EPN2: variants seen among roughly 807,000 people sequenced by gnomAD.
The protein encoded by EPN2 is epsin 2, also known as epsin-2.
Under a neutral mutation model 61.7 loss-of-function variants are expected in EPN2, and 34 were observed. The ratio of observed to expected loss-of-function variants is 0.55; its 90% CI spans 0.42 to 0.73. The LOEUF is 0.73. EPN2 is among the 30% of genes least tolerant of loss of function. EPN2 has a pLI of 0.00. For synonymous variants in EPN2, 349 were observed against 353.6 expected (o/e 0.99, Z 0.15); for missense variants, 714 against 839.2 (o/e 0.85, Z 1.84).
Position 19,281,781 on chromosome 17 carries a change from C to T in EPN2, c.-293-174C>T, listed in dbSNP as rs551869310. Among the ~76,000 whole-genome samples, 810 of 152,190 alleles carry T rather than the reference C, an allele frequency of 5.3e-3. 5 individuals carry two copies. Among genetic ancestry groups the T allele is most frequent in the Non-Finnish European group, 5.3e-3 (363 of 68,014 alleles). On this transcript the variant is annotated intron_variant, in intron 1 of 10. Transcript: ENST00000314728. Reference sequence around the variant, plus strand: ...GTGGTCAGAATGGTGGGTGGAGCCCCTTGCTTCCTATCCGGGCCCTAGCTG... The same window carrying T: ...GTGGTCAGAATGGTGGGTGGAGCCCTTTGCTTCCTATCCGGGCCCTAGCTG...
In EPN2 at chr17:19,283,215, G is replaced by T; in HGVS notation, c.96G>T (p.Pro32=). ...TCCGGGAAGCCACCTCCAATGACCC[G>T]TGGGGCCCGTCCAGTTCTCTGATGA... The part of the protein sequence containing the change: ...IKVREATSND[P]WGPSSSLMTE... The change falls in exon 3 of 11, where the codon CCG becomes CCT. Residue 32 remains proline, a synonymous_variant. Coordinates refer to ENST00000314728, the MANE Select transcript of EPN2 (RefSeq NM_014964.5). The surrounding 1 kb of genome is among the most constrained non-coding windows in gnomAD (Gnocchi z 7.0). 2 of 1,614,178 alleles carry T rather than the reference G, an allele frequency of 1.2e-6. No homozygotes were observed. Among genetic ancestry groups the T allele is most frequent in the Non-Finnish European group, 1.7e-6 (2 of 1,180,040 alleles).
chr17:19,289,724 G>GTTTTGTTTTTTTTTTTTTTTTTTT lies in EPN2; in HGVS notation c.766+3938_766+3939insGTTTTTTTTTTTTTTTTTTTTTTT, dbSNP rs772230550. Among the ~76,000 whole-genome samples, 47 of 78,046 alleles carry GTTTTGTTTTTTTTTTTTTTTTTTT rather than the reference G, an allele frequency of 6.0e-4. 3 individuals are homozygous for GTTTTGTTTTTTTTTTTTTTTTTTT. Among genetic ancestry groups the GTTTTGTTTTTTTTTTTTTTTTTTT allele is most frequent in the East Asian group, 2.9e-3 (5 of 1,732 alleles). 51.2% of individuals were successfully genotyped at this position (78,046 alleles called of 152,430 possible). ...TGTTCGGCCTCACCTGGCGCTCATGGTTTTTTTTTTTTTTTTTTTTGAGAT... is the reference window on the plus strand; with the variant it reads ...TGTTCGGCCTCACCTGGCGCTCATGGTTTTGTTTTTTTTTTTTTTTTTTTTTTTTTTTTTTTTTTTTTTTGAGAT... On this transcript the variant is annotated intron_variant, in intron 4 of 10. Coordinates refer to ENST00000314728, the MANE Select transcript of EPN2 (RefSeq NM_014964.5).
chr17:19,276,773 G>GT (rs80078595), intron 1 of EPN2, among the ~76,000 whole-genome samples: 40,009 of 119,204 alleles, frequency 0.34, 6,927 homozygotes, highest in East Asian at 0.6. Context: ...ATGAGAATAA[G>GT]TTTTTTTTTT....
intron 5 of EPN2, 40 bp downstream of exon 5, chr17:19,310,037 A>G (rs1906044741): frequency 1.4e-6 from 2 of 1,419,228 alleles, no homozygotes; most frequent in African/African-American, 1.4e-5. Context: ...TTGACTGCCC[A>G]TGCTCAGGGT....
chr17:19,308,604 A>AG, intron 4 of EPN2: 1 of 985,368 alleles, frequency 1.0e-6, no homozygotes, highest in Non-Finnish European at 1.2e-6. Context: ...TGACTACAAA[A>AG]GAGGAGGTGG....
intron 7 of EPN2, among the ~76,000 whole-genome samples, chr17:19,324,824 C>A (rs1233414971): frequency 6.6e-6 from 1 of 151,992 alleles, no homozygotes; most frequent in Non-Finnish European, 1.5e-5. Flanking sequence ...ATAATAGTAT[C>A]CGTAAAGACA....
intron 1 of EPN2, 52 bp downstream of exon 1, chr17:19,237,583 G>C (rs1311017923): frequency 2.0e-5 from 3 of 152,362 alleles, no homozygotes; most frequent in Non-Finnish European, 4.4e-5. Context: ...CCGGGGCGAG[G>C]ACCCTCCCCC....
chr17:19,269,590 C>T (rs569572243), intron 1 of EPN2, among the ~76,000 whole-genome samples: 2 of 152,312 alleles, frequency 1.3e-5, no homozygotes, highest in African/African-American at 4.8e-5. Context: ...CTGACTGACT[C>T]CATTGTATTG....
chr17:19,300,427 CTTTT>C (rs72338416), intron 4 of EPN2, among the ~76,000 whole-genome samples: 1 of 108,928 alleles, frequency 9.2e-6, no homozygotes. Flanking sequence ...AACTGTAAAT[CTTTT>C]TTTTTTTTTT....
chr17:19,296,104 C>T lies in EPN2; in HGVS notation c.766+10314C>T, dbSNP rs145878395. ...GAGCTCCTCCCGCAAGTCCACTCTG[C>T]GACCTGCTTCTCCAAGTACAGTGAG... On this transcript the variant is annotated intron_variant, in intron 4 of 10. Coordinates refer to ENST00000314728, the MANE Select transcript of EPN2 (RefSeq NM_014964.5). Among the ~76,000 whole-genome samples, 122 of 152,202 alleles carry T rather than the reference C, an allele frequency of 8.0e-4. No individual in the cohort carries two copies. In the East Asian group the frequency reaches 0.022, roughly 28 times the overall value.
At position 19,285,244 on chromosome 17, in the gene EPN2, G is replaced by A. The variant is rs2045393111; in HGVS notation, c.596-376G>A. 6.6e-6 allele frequency among the ~76,000 whole-genome samples: 1 copy of A among 152,200 alleles called. No individual in the cohort carries two copies. The highest frequency in any genetic ancestry group is 2.1e-4 in the South Asian group (1 of 4,832). On this transcript the variant is annotated intron_variant, in intron 3 of 10. Coordinates refer to ENST00000314728, the MANE Select transcript of EPN2 (RefSeq NM_014964.5). This position sits in a 1 kb window ranked among gnomAD's most constrained non-coding sequence, Gnocchi z 4.5. ...CAAGAAGCCAGAGGATGCTAAGCAA[G>A]GAGCTGAAACAGCTTCATGTTCCAT... is the stretch of plus-strand genomic sequence containing the variant.
chr17:19,275,286 G>A (rs1286645892), intron 1 of EPN2, among the ~76,000 whole-genome samples: 3 of 152,176 alleles, frequency 2.0e-5, no homozygotes, highest in Non-Finnish European at 2.9e-5. Flanking sequence ...GGTTCTCTCA[G>A]GTGCTTTGTG....
chr17:19,270,601 C>T (rs1345409299), intron 1 of EPN2, among the ~76,000 whole-genome samples: 2 of 152,198 alleles, frequency 1.3e-5, no homozygotes, highest in African/African-American at 4.8e-5. Flanking sequence ...CGTACTCTTA[C>T]CAACCCTCAC....
intron 7 of EPN2, among the ~76,000 whole-genome samples, chr17:19,315,884 C>T (rs928198846): frequency 6.6e-6 from 1 of 152,200 alleles, no homozygotes; most frequent in African/African-American, 2.4e-5. Context: ...ATTTCCATCA[C>T]CCCAGAAAGA....
At chr17:19,329,733 C>T in intron 9 of EPN2, 86 bp downstream of exon 9, 1 of 790,268 alleles carries the variant, frequency 1.3e-6, no homozygotes, top group Non-Finnish European at 2.1e-6. Flanking sequence ...GCTTTCAAAA[C>T]CCTTCAGCTT....
chr17:19,305,932 G>A (rs1490834474), intron 4 of EPN2: 2 of 152,198 alleles, frequency 1.3e-5, no homozygotes, highest in African/African-American at 2.4e-5. Context: ...ATAGAAATAA[G>A]GCCTACCTGT....
Position 19,309,992 on chromosome 17 carries a change from G to GAGCA in EPN2, c.875_878dup (p.Glu294AlafsTer9). ...ACTTGCCATGAGCAGAGAAGTGGCT[G>GAGCA]AGCAGGTCAGTGCCCCAGGCAGGTC... On this transcript the variant is annotated frameshift_variant, in exon 5 of 11. Coordinates refer to ENST00000314728, the MANE Select transcript of EPN2 (RefSeq NM_014964.5). LOFTEE classifies it high-confidence loss of function. The GAGCA allele has an allele frequency of 6.2e-7, 1 of 1,605,172 alleles. No individual in the cohort carries two copies. Among genetic ancestry groups the GAGCA allele is most frequent in the Non-Finnish European group, 8.5e-7 (1 of 1,179,144 alleles).
chr17:19,308,307 C>T (rs1567863197), intron 4 of EPN2: 1 of 892,566 alleles, frequency 1.1e-6, no homozygotes, highest in Non-Finnish European at 1.3e-6. Flanking sequence ...CTCCTGGCCT[C>T]AGGTGATCCG....
rs2152242217 is a variant in EPN2, at chr17:19,334,401, A to C, written c.*147A>C. ...TTCCTGATGAAAGGGCTGTCTTTAC[A>C]GCCCCAACCCTCAGACCCTCGCCTT... On this transcript the variant is annotated 3_prime_UTR_variant, in exon 11 of 11. Transcript: ENST00000314728. The surrounding 1 kb of genome is among the most constrained non-coding windows in gnomAD (Gnocchi z 4.9). 2 of 604,870 alleles carry C rather than the reference A, an allele frequency of 3.3e-6. No individual in the cohort carries two copies. The highest frequency in any genetic ancestry group is 9.0e-5 in the South Asian group (2 of 22,144). The allele number at this position is 604,870 out of a possible 1,614,324, so 37.5% of individuals were successfully genotyped here.
Sources: allele counts gnomAD v4.1 joint callset (sites outside exome capture counted in the v4.1 genomes callset), GRCh38; gene constraint gnomAD v4.1.1; non-coding constraint Gnocchi (gnomAD v3.1); transcripts MANE v1.5; gene names NCBI Gene and HGNC (gene_info 2026-07-23, HGNC 2026-07-21).